The following PHF20L1 variants were observed in gnomAD, a reference collection of about 807,000 sequenced individuals.
PHF20L1 encodes the protein PHD finger protein 20 like 1.
PHF20L1 carries 44 observed loss-of-function variants against 125.5 expected under a neutral mutation model. That is an observed-to-expected ratio of 0.35 (90% CI 0.28 to 0.45). PHF20L1 has a LOEUF of 0.45. PHF20L1 is among the 20% of genes least tolerant of loss of function. The probability of loss-of-function intolerance (pLI) is 1.00; values close to 1 mark genes in which losing one functional copy is unlikely to be tolerated. For synonymous variants in PHF20L1, 380 were observed against 403.1 expected (o/e 0.94, Z 0.69); for missense variants, 1,012 against 1,217.2 (o/e 0.83, Z 2.51).
At chr8:132,796,728 A>G (rs995958361) in intron 4 of PHF20L1, among the ~76,000 whole-genome samples, 2 of 152,036 alleles carry the variant, frequency 1.3e-5, no homozygotes, top group Non-Finnish European at 2.9e-5. Context: ...TGGAGCTTAC[A>G]TTCCCAAGTC....
chr8:132,820,180 C>T (rs1835427196), intron 12 of PHF20L1, among the ~76,000 whole-genome samples: 2 of 151,656 alleles, frequency 1.3e-5, no homozygotes, highest in Admixed American at 6.6e-5. Flanking sequence ...AAATTGATGC[C>T]TTTGTTTTTA....
intron 12 of PHF20L1, among the ~76,000 whole-genome samples, chr8:132,823,779 C>G (rs567844708): frequency 6.6e-6 from 1 of 151,772 alleles, no homozygotes; most frequent in Admixed American, 6.6e-5. Context: ...AGATGTTGAA[C>G]CTGAGTAGTT....
chr8:132,843,736 AT>A, intron 19 of PHF20L1: 1 of 984,922 alleles, frequency 1.0e-6, no homozygotes, highest in Non-Finnish European at 1.2e-6. Flanking sequence ...TCTGTAGTTA[AT>A]TAGATTTTAT....
intron 15 of PHF20L1, among the ~76,000 whole-genome samples, chr8:132,833,357 T>C (rs545911706): frequency 1.4e-4 from 21 of 152,162 alleles, no homozygotes; most frequent in African/African-American, 4.6e-4. Flanking sequence ...ATGACACTTG[T>C]GAGATTTTAT....
intron 8 of PHF20L1, chr8:132,810,029 A>G (rs1427974156): frequency 6.6e-6 from 1 of 151,852 alleles, no homozygotes; most frequent in Non-Finnish European, 1.5e-5. Context: ...ATACAGTTAT[A>G]TATTACAATA....
intron 8 of PHF20L1, chr8:132,809,897 A>C (rs1834174786): frequency 6.6e-6 from 1 of 152,182 alleles, no homozygotes. Context: ...GTGGCCTTAA[A>C]CAAGGCTTAT....
In PHF20L1 at chr8:132,814,735, T is replaced by G. The variant is rs1187160064; in HGVS notation, c.1029T>G (p.Ser343=). ...QKPALLSSTL[S]SGKARSKKCK... ...CTGCACTGTTATCCTCAACTTTGTCTTCAGGGAAGGCTCGCAGCAAGAAAT... is the reference window on the plus strand; with the variant it reads ...CTGCACTGTTATCCTCAACTTTGTCGTCAGGGAAGGCTCGCAGCAAGAAAT... Residue 343 remains serine, a synonymous_variant, in exon 10 of 21, where the codon TCT becomes TCG. Coordinates refer to ENST00000395386, the MANE Select transcript of PHF20L1 (RefSeq NM_016018.5). 1 of 1,613,030 alleles carries G rather than the reference T, an allele frequency of 6.2e-7. No individual in the cohort carries two copies. The highest frequency in any genetic ancestry group is 1.1e-5 in the South Asian group (1 of 91,026).
intron 8 of PHF20L1, chr8:132,809,184 A>C (rs1834077481): frequency 1.3e-5 from 2 of 152,104 alleles, no homozygotes; most frequent in African/African-American, 4.8e-5. Context: ...TTATTTATTT[A>C]GAGATGGAAT....
intron 18 of PHF20L1, among the ~76,000 whole-genome samples, chr8:132,840,010 A>T (rs1837768769): frequency 6.6e-6 from 1 of 152,044 alleles, no homozygotes; most frequent in Non-Finnish European, 1.5e-5. Context: ...CTACAAACCG[A>T]ATTCACTTCT....
intron 14 of PHF20L1, among the ~76,000 whole-genome samples, chr8:132,827,371 C>T (rs1283176951): frequency 1.3e-5 from 2 of 152,050 alleles, no homozygotes; most frequent in Non-Finnish European, 2.9e-5. Context: ...ACCAAAGGCT[C>T]TGAGGGGATT....
At chr8:132,836,357 TA>T in intron 15 of PHF20L1, 182 bp from the exon 16 acceptor site, 1 of 498,190 alleles carries the variant, frequency 2.0e-6, no homozygotes, top group East Asian at 3.1e-5. Context: ...CATAATTACC[TA>T]AGCTTCAAAA....
chr8:132,796,153 A>G (rs1263341062), intron 4 of PHF20L1, among the ~76,000 whole-genome samples: 1 of 152,140 alleles, frequency 6.6e-6, no homozygotes, highest in Admixed American at 6.6e-5. Context: ...AGTAGTGATC[A>G]AAGTGCTTTT....
At chr8:132,778,575 A>G (rs1284799953) in intron 2 of PHF20L1, among the ~76,000 whole-genome samples, 1 of 152,172 alleles carries the variant, frequency 6.6e-6, no homozygotes, top group African/African-American at 2.4e-5. Flanking sequence ...TAGCCTTTAT[A>G]CAGTGGTTAG....
At chr8:132,789,366 C>A (rs1831413340) in intron 2 of PHF20L1, among the ~76,000 whole-genome samples, 1 of 151,966 alleles carries the variant, frequency 6.6e-6, no homozygotes, top group Non-Finnish European at 1.5e-5. Context: ...AAATTTTATT[C>A]TTGGTGATGG....
At chr8:132,795,884 C>T (rs1346867434) in intron 4 of PHF20L1, among the ~76,000 whole-genome samples, 1 of 152,094 alleles carries the variant, frequency 6.6e-6, no homozygotes, top group East Asian at 1.9e-4. Context: ...AATGTGGTCT[C>T]TCTCTTCCTT....
intron 2 of PHF20L1, among the ~76,000 whole-genome samples, chr8:132,787,707 G>A (rs1831213885): frequency 6.6e-6 from 1 of 152,092 alleles, no homozygotes; most frequent in African/African-American, 2.4e-5. Context: ...TACTGTAATT[G>A]TAGTATGTGA....
intron 19 of PHF20L1, 152 bp downstream of exon 19, chr8:132,843,027 T>C: frequency 7.2e-7 from 1 of 1,383,618 alleles, no homozygotes; most frequent in East Asian, 2.6e-5. Context: ...TTGTTTTCTC[T>C]ACAGGAAAAC....
intron 2 of PHF20L1, among the ~76,000 whole-genome samples, chr8:132,782,320 G>A (rs1386717029): frequency 2.6e-5 from 4 of 152,180 alleles, no homozygotes; most frequent in Non-Finnish European, 4.4e-5. Flanking sequence ...CAGTAAAATG[G>A]AAGCAGTATT....
chr8:132,818,452 A>T lies in PHF20L1; in HGVS notation c.1579+907A>T, dbSNP rs567192316. ...CATTTTTTGGATGAAGCATAAAATG[A>T]AACTTATTCTTTTCTGGTGATGGCA... is the stretch of plus-strand genomic sequence containing the variant. On this transcript the variant is annotated intron_variant, in intron 12 of 20. Transcript: ENST00000395386. The T allele has an allele frequency of 1.2e-4, 19 of 152,070 alleles. No individual in the cohort carries two copies. In the South Asian group the frequency reaches 3.5e-3, roughly 28 times the overall value. The allele number at this position is 152,070 out of a possible 1,614,324, so 9.4% of individuals were successfully genotyped here.
Sources: gnomAD v4.1 joint callset for allele counts (sites outside exome capture counted in the v4.1 genomes callset) on GRCh38, gnomAD v4.1.1 for gene constraint, MANE v1.5 for transcripts, NCBI Gene and HGNC (gene_info 2026-07-23, HGNC 2026-07-21) for gene names.